The following NUP54 variants were observed in gnomAD, a reference collection of about 807,000 sequenced individuals.
The protein encoded by NUP54 is nucleoporin p54.
In NUP54, 27 loss-of-function variants were observed where a neutral mutation model predicts 66.4. The observed-to-expected ratio is 0.41, with a 90% CI of 0.30 to 0.56. The LOEUF is 0.56. NUP54 is among the 20% of genes least tolerant of loss of function. The pLI, the probability that NUP54 is intolerant of heterozygous loss-of-function variation, is 0.34. For missense variants in NUP54, 486 were observed against 596.3 expected (o/e 0.82, Z 1.93); for synonymous variants, 206 against 210.7 (o/e 0.98, Z 0.19).
intron 4 of NUP54, among the ~76,000 whole-genome samples, chr4:76,135,751 G>A (rs28726273): frequency 0.18 from 27,030 of 152,166 alleles, 2,512 homozygotes; most frequent in East Asian, 0.36. Context: ...AGGTTGTTTG[G>A]TAGGCAGGGA....
Position 76,146,295 on chromosome 4 carries a change from ATTG to A in NUP54, c.68-1825_68-1823del, listed in dbSNP as rs200243602. On this transcript the variant is annotated intron_variant, in intron 1 of 11. Coordinates refer to ENST00000264883, the MANE Select transcript of NUP54 (RefSeq NM_017426.4). ...CAAGCAAATACCAACAAGTTTATTT[ATTG>A]TTGTTGAATTATGAGCTGGGTGGCT... Among the ~76,000 whole-genome samples, 263 of 152,336 alleles carry A rather than the reference ATTG, an allele frequency of 1.7e-3. 5 individuals carry two copies. The East Asian group carries it at 0.045, about 26-fold the overall frequency.
At chr4:76,134,822 G>C (rs1165907264) in intron 4 of NUP54, among the ~76,000 whole-genome samples, 1 of 151,976 alleles carries the variant, frequency 6.6e-6, no homozygotes, top group African/African-American at 2.4e-5. Context: ...ATGGAATTCT[G>C]ATCTTTTAGT....
chr4:76,116,117 C>T (rs1729940777), intron 11 of NUP54, among the ~76,000 whole-genome samples: 1 of 152,204 alleles, frequency 6.6e-6, no homozygotes, highest in Non-Finnish European at 1.5e-5. Flanking sequence ...AAACAATACA[C>T]TGCTCATAAT....
intron 9 of NUP54, among the ~76,000 whole-genome samples, chr4:76,118,869 AT>A (rs1560673728): frequency 2.0e-5 from 3 of 151,756 alleles, no homozygotes; most frequent in Non-Finnish European, 4.4e-5. Flanking sequence ...CCGGACGTTG[AT>A]GGTGCACGCC....
At chr4:76,118,519 C>T (rs1730060299) in intron 9 of NUP54, 1 of 156,726 alleles carries the variant, frequency 6.4e-6, no homozygotes, top group Non-Finnish European at 1.3e-5. Flanking sequence ...TAGCTGGGAC[C>T]ACAGGTGTGC....
chr4:76,131,572 A>C (rs1052883509), intron 6 of NUP54, among the ~76,000 whole-genome samples: 6 of 152,098 alleles, frequency 3.9e-5, no homozygotes, highest in Admixed American at 3.9e-4. Flanking sequence ...GAAAATGGGC[A>C]AAGGACACAA....
chr4:76,119,078 T>G (rs1411570831), intron 9 of NUP54, among the ~76,000 whole-genome samples: 2 of 152,182 alleles, frequency 1.3e-5, no homozygotes, highest in Non-Finnish European at 2.9e-5. Flanking sequence ...AATACCAGTT[T>G]CAGACATTTA....
intron 8 of NUP54, among the ~76,000 whole-genome samples, chr4:76,125,316 T>TCACACACACACACACACACACA (rs34954421): frequency 2.9e-4 from 36 of 125,380 alleles, no homozygotes; most frequent in African/African-American, 9.5e-4. Context: ...TGAGACTCCA[T>TCACACACACACACACACACACA]CACACACACA....
intron 1 of NUP54, among the ~76,000 whole-genome samples, chr4:76,145,243 G>A (rs889038152): frequency 3.3e-5 from 5 of 150,724 alleles, no homozygotes; most frequent in African/African-American, 9.8e-5. Flanking sequence ...GCGTGGACCC[G>A]GGAGGTGGAG....
intron 8 of NUP54, among the ~76,000 whole-genome samples, chr4:76,127,177 A>C (rs1326074684): frequency 6.6e-6 from 1 of 152,180 alleles, no homozygotes; most frequent in African/African-American, 2.4e-5. Flanking sequence ...TCACGCCTGT[A>C]ATCCCAGCAC....
chr4:76,123,608 G>T (rs1730332596), intron 9 of NUP54, among the ~76,000 whole-genome samples: 1 of 152,026 alleles, frequency 6.6e-6, no homozygotes. Context: ...CGCCTCCCAG[G>T]TTCAAGCAAT....
chr4:76,136,510 T>C (rs1453198712), intron 3 of NUP54, 98 bp from the exon 4 acceptor site: 1 of 811,062 alleles, frequency 1.2e-6, no homozygotes, highest in Admixed American at 2.4e-5. Flanking sequence ...CCCTCCAAGA[T>C]GCCCATATCC....
chr4:76,139,342 A>G (rs900198212), intron 3 of NUP54, among the ~76,000 whole-genome samples: 1 of 152,230 alleles, frequency 6.6e-6, no homozygotes. Context: ...TATGAAGCAC[A>G]CAGCACCACT....
chr4:76,130,539 T>C, intron 8 of NUP54, 117 bp downstream of exon 8: 1 of 664,972 alleles, frequency 1.5e-6, no homozygotes, highest in Non-Finnish European at 2.7e-6. Context: ...AATTGCAGTG[T>C]ATGCTACATT....
In NUP54 at chr4:76,132,526, C is replaced by T. The variant is rs768815955; in HGVS notation, c.904G>A (p.Ala302Thr). Residue 302 changes from alanine (A) to threonine (T), a missense_variant, in exon 6 of 12, where the codon GCT (alanine) becomes ACT (threonine). Transcript: ENST00000264883. ...QIKQLLQNPP[A>T]GVDPIIWEQA... ...CTCTGTGATTCTAGAAACATACCAG[C>T]AGGAGGATTCTGTAAAAGCTGTTTG... The T allele has an allele frequency of 1.9e-6, 3 of 1,580,794 alleles. No individual in the cohort carries two copies. Among genetic ancestry groups the T allele is most frequent in the African/African-American group, 1.4e-5 (1 of 73,560 alleles).
chr4:76,116,967 A>G (rs1314632227), intron 11 of NUP54, among the ~76,000 whole-genome samples: 2 of 152,228 alleles, frequency 1.3e-5, no homozygotes, highest in East Asian at 1.9e-4. Context: ...ATTTTTAAGT[A>G]TACAGTTCAG....
chr4:76,141,268 T>G (rs1400534473), intron 3 of NUP54, among the ~76,000 whole-genome samples: 8 of 152,198 alleles, frequency 5.3e-5, no homozygotes, highest in Non-Finnish European at 1.2e-4. Flanking sequence ...ATGGCAGCAT[T>G]TAAGTGTTAG....
chr4:76,117,651 A>G lies in NUP54; in HGVS notation c.1395+13T>C. ...CTCACACTTTAAATAATGCAGCCTC[A>G]TGCAACACTTACCTGCTTGATTTCT... On this transcript the variant is annotated intron_variant, in intron 11 of 11. Coordinates refer to ENST00000264883, the MANE Select transcript of NUP54 (RefSeq NM_017426.4). 6.5e-7 allele frequency: 1 copy of G among 1,530,022 alleles called. No individual in the cohort carries two copies. Among genetic ancestry groups the G allele is most frequent in the South Asian group, 1.1e-5 (1 of 89,020 alleles). 94.8% of individuals were successfully genotyped at this position (1,530,022 alleles called of 1,614,324 possible). A position where few individuals can be genotyped will look rare whatever the true frequency, so the allele number is the denominator to read the frequency against.
At chr4:76,138,322 A>G (rs555363080) in intron 3 of NUP54, among the ~76,000 whole-genome samples, 1 of 148,304 alleles carries the variant, frequency 6.7e-6, no homozygotes, top group African/African-American at 2.4e-5. Flanking sequence ...TCAGCCTCCC[A>G]TGCTGTTGAT....
Sources: gnomAD v4.1 joint callset for allele counts (sites outside exome capture counted in the v4.1 genomes callset) on GRCh38, gnomAD v4.1.1 for gene constraint, MANE v1.5 for transcripts, NCBI Gene and HGNC (gene_info 2026-07-23, HGNC 2026-07-21) for gene names.